The following NOD1 variants were observed in gnomAD, a reference collection of about 807,000 sequenced individuals.
The protein encoded by NOD1 is nucleotide-binding oligomerization domain-containing protein 1.
NOD1 carries 70 observed loss-of-function variants against 81.2 expected under a neutral mutation model. The ratio of observed to expected loss-of-function variants is 0.86; its 90% CI spans 0.71 to 1.05. The LOEUF (loss-of-function observed/expected upper bound fraction) is 1.05, where lower values mean the gene tolerates loss of function less well. NOD1 is among the 50% of genes least tolerant of loss of function. The pLI, the probability that NOD1 is intolerant of heterozygous loss-of-function variation, is 0.00. For synonymous variants in NOD1, 508 were observed against 526.9 expected (o/e 0.96, Z 0.49); for missense variants, 1,233 against 1,228.0 (o/e 1.00, Z -0.06).
intron 8 of NOD1, chr7:30,446,465 G>A (rs1785096311): frequency 1.9e-6 from 1 of 536,338 alleles, no homozygotes; most frequent in East Asian, 3.2e-5. Context: ...TCAGGGACCT[G>A]AGCCCTCCCT....
rs1368800509 is a variant in NOD1, at chr7:30,453,050, G to A, written c.377-10C>T. ...TGGGTATACCTGCTCACTGGAGGGAGGGGGTGGCAGGGCACAGCAGCAGGG... is the reference window on the plus strand; with the variant it reads ...TGGGTATACCTGCTCACTGGAGGGAAGGGGTGGCAGGGCACAGCAGCAGGG... On this transcript the variant is annotated splice_polypyrimidine_tract_variant and intron_variant, in intron 5 of 13. Transcript: ENST00000222823. 7 of 1,590,922 alleles carry A rather than the reference G, an allele frequency of 4.4e-6. No homozygotes were observed. Among genetic ancestry groups the A allele is most frequent in the Middle Eastern group, 1.7e-4 (1 of 5,724 alleles).
chr7:30,428,106 C>A (rs530004711), intron 13 of NOD1, among the ~76,000 whole-genome samples: 1 of 152,232 alleles, frequency 6.6e-6, no homozygotes, highest in Admixed American at 6.5e-5. Flanking sequence ...GAGACAGGGT[C>A]TCTGGCACCC....
At chr7:30,433,326 G>A (rs1269418523) in intron 11 of NOD1, 147 bp from the exon 12 acceptor site, 2 of 626,242 alleles carry the variant, frequency 3.2e-6, no homozygotes, top group Non-Finnish European at 2.8e-6. Context: ...CAGGCTCCAA[G>A]CCCAGCCTGT....
chr7:30,447,033 A>G lies in NOD1; in HGVS notation c.2303T>C (p.Ile768Thr). ...VTYLGLYNNQ[I>T]TDVGARYVTK... The stretch of plus-strand genomic sequence containing the variant: ...GACGTACCTGGCTCCGACATCGGTG[A>G]TCTGGTTGTTGTATAAACTTCAAGA... Residue 768 changes from isoleucine (I) to threonine (T), a missense_variant, in exon 8 of 14, where the codon ATC (isoleucine) becomes ACC (threonine). Physicochemically the swap from Ile to Thr is moderately conservative, Grantham distance 89. Transcript: ENST00000222823. 1 of 1,614,112 alleles carries G rather than the reference A, an allele frequency of 6.2e-7. No individual in the cohort carries two copies. Among genetic ancestry groups the G allele is most frequent in the Non-Finnish European group, 8.5e-7 (1 of 1,179,964 alleles).
In NOD1 at chr7:30,456,977, T is replaced by C; in HGVS notation, c.-56A>G. 1 of 1,472,456 alleles carries C rather than the reference T, an allele frequency of 6.8e-7. No individual in the cohort carries two copies. Among genetic ancestry groups the C allele is most frequent in the Admixed American group, 1.7e-5 (1 of 59,636 alleles). 91.2% of individuals were successfully genotyped at this position (1,472,456 alleles called of 1,614,324 possible). A position where few individuals can be genotyped will look rare whatever the true frequency, so the allele number is the denominator to read the frequency against. On this transcript the variant is annotated 5_prime_UTR_variant, in exon 4 of 14. Transcript: ENST00000222823. Reference sequence around the variant, plus strand: ...AATTCATCTTCAGCTGCGTGTGTCCTCTCAGCAGAAGGGCAATCAGGATTC... The same window carrying C: ...AATTCATCTTCAGCTGCGTGTGTCCCCTCAGCAGAAGGGCAATCAGGATTC...
chr7:30,452,538 C>G lies in NOD1; in HGVS notation c.879G>C (p.Leu293Phe). The G allele has an allele frequency of 6.2e-7, 1 of 1,613,158 alleles. No homozygotes were observed. The highest frequency in any genetic ancestry group is 8.5e-7 in the Non-Finnish European group (1 of 1,179,982). Residue 293 changes from leucine (L) to phenylalanine (F), a missense_variant, in exon 6 of 14, where the codon TTG becomes TTC. Leu to Phe is a conservative substitution (Grantham distance 22). Transcript: ENST00000222823. ...AGCTGTCAGGCACGCGGCTCAGGTCCAAGTCCGAGTGCAGCTCGTCCAGGC... is the reference window on the plus strand; with the variant it reads ...AGCTGTCAGGCACGCGGCTCAGGTCGAAGTCCGAGTGCAGCTCGTCCAGGC... ...FDGLDELHSD[L>F]DLSRVPDSSC...
chr7:30,438,308 G>A (rs1784563322), intron 9 of NOD1, among the ~76,000 whole-genome samples: 1 of 152,208 alleles, frequency 6.6e-6, no homozygotes, highest in East Asian at 1.9e-4. Context: ...TAAGATGGTG[G>A]ACTCCTGACC....
rs1055421718 is a variant in NOD1 at position 30,458,512 on chromosome 7, G to C, written c.-122+640C>G. Among the ~76,000 whole-genome samples the C allele has an allele frequency of 2.6e-5, 4 of 152,132 alleles. No homozygotes were observed. In the East Asian group the frequency reaches 7.7e-4, roughly 29 times the overall value. On this transcript the variant is annotated intron_variant, in intron 3 of 13. Transcript: ENST00000222823. ...ATTTTTTTTCCACCAAGTGGCACAT[G>C]AGTCTCCTGCTCTTTGACATGCTTC...
Position 30,451,698 on chromosome 7 carries a change from C to G in NOD1, c.1719G>C (p.Pro573=). ...TGTTCTTGAAGAGGTCTTCCCGCGC[C>G]GGACCACTGCCCTGCAGGCACTGGA... ...LPFQCLQGSG[P]AREDLFKNKD... The change falls in exon 6 of 14, where the codon CCG becomes CCC. Residue 573 remains proline (P), a synonymous_variant. Coordinates refer to ENST00000222823, the MANE Select transcript of NOD1 (RefSeq NM_006092.4). The surrounding 1 kb of genome is among the most constrained non-coding windows in gnomAD (Gnocchi z 4.2). 6.2e-7 allele frequency: 1 copy of G among 1,613,872 alleles called. No homozygotes were observed. The highest frequency in any genetic ancestry group is 8.5e-7 in the Non-Finnish European group (1 of 1,180,030).
intron 11 of NOD1, among the ~76,000 whole-genome samples, chr7:30,433,812 A>T (rs566487277): frequency 8.1e-5 from 12 of 147,660 alleles, no homozygotes; most frequent in South Asian, 4.3e-4. Context: ...AAGAACATTT[A>T]AAAAAAAAAA....
intron 1 of NOD1, among the ~76,000 whole-genome samples, chr7:30,472,895 C>T (rs1788413110): frequency 1.3e-5 from 2 of 152,192 alleles, no homozygotes; most frequent in African/African-American, 2.4e-5. Context: ...CTCCAAATTC[C>T]ATATGGCCAG....
At position 30,452,423 on chromosome 7, in the gene NOD1, C is replaced by T; in HGVS notation, c.994G>A (p.Ala332Thr). The part of the protein sequence containing the change: ...LLKGASKLLT[A>T]RTGIEVPRQF... The stretch of plus-strand genomic sequence containing the variant: ...CGCGGGACCTCGATGCCTGTGCGGG[C>T]TGTGAGCAGCTTGCTAGCCCCCTTG... Residue 332 changes from alanine to threonine, a missense_variant, in exon 6 of 14, where the codon GCC (alanine) becomes ACC (threonine). Ala to Thr is a moderately conservative substitution (Grantham distance 58, BLOSUM62 0). Transcript: ENST00000222823. 1 of 1,613,358 alleles carries T rather than the reference C, an allele frequency of 6.2e-7. No individual in the cohort carries two copies. Among genetic ancestry groups the T allele is most frequent in the Non-Finnish European group, 8.5e-7 (1 of 1,180,006 alleles).
chr7:30,427,542 G>C (rs1040808946), intron 13 of NOD1, among the ~76,000 whole-genome samples: 8 of 152,168 alleles, frequency 5.3e-5, no homozygotes, highest in South Asian at 2.1e-4. Context: ...GTCACACACA[G>C]AGGAGCATGC....
At chr7:30,437,432 A>G in intron 10 of NOD1, 141 bp downstream of exon 10, 2 of 502,158 alleles carry the variant, frequency 4.0e-6, no homozygotes, top group Non-Finnish European at 6.8e-6. Flanking sequence ...CTTATGCATC[A>G]AAGAAAGGTT....
chr7:30,471,899 A>C (rs1391420153), intron 1 of NOD1, among the ~76,000 whole-genome samples: 1 of 152,230 alleles, frequency 6.6e-6, no homozygotes, highest in African/African-American at 2.4e-5. Context: ...CTGTCCCAGA[A>C]AACTACAGAG....
chr7:30,452,369 G>A lies in NOD1; in HGVS notation c.1048C>T (p.Arg350Trp), dbSNP rs1371565397. The change falls in exon 6 of 14, where the codon CGG (arginine) becomes TGG (tryptophan). Residue 350 changes from arginine to tryptophan, a missense_variant. Arg to Trp is a moderately radical substitution (Grantham distance 101). Coordinates refer to ENST00000222823, the MANE Select transcript of NOD1 (RefSeq NM_006092.4). The stretch of plus-strand genomic sequence containing the variant: ...CGCAGGTGGCTGGGGGAGAAGCCCC[G>A]GAGAAGCACCTTCTTCCGCAGGAAC... ...RQFLRKKVLL[R>W]GFSPSHLRAY... The A allele has an allele frequency of 6.8e-6, 11 of 1,613,306 alleles. No individual in the cohort carries two copies. The highest frequency in any genetic ancestry group is 1.3e-5 in the African/African-American group (1 of 75,046).
Position 30,456,636 on chromosome 7 carries a change from G to A in NOD1, c.201+85C>T, listed in dbSNP as rs954095271. On this transcript the variant is annotated intron_variant, in intron 4 of 13. Coordinates refer to ENST00000222823, the MANE Select transcript of NOD1 (RefSeq NM_006092.4). ...CCTGCCCGCTGGACTAAACTCCCAC[G>A]CTCTTCACTCAGATCAGCAGGGAGA... is the stretch of plus-strand genomic sequence containing the variant. The A allele has an allele frequency of 2.7e-5, 33 of 1,226,464 alleles. 1 individual carries two copies. The highest frequency in any genetic ancestry group is 4.7e-5 in the East Asian group (2 of 42,572). The allele number at this position is 1,226,464 out of a possible 1,614,324, so 76.0% of individuals were successfully genotyped here. A position where few individuals can be genotyped will look rare whatever the true frequency, so the allele number is the denominator to read the frequency against.
Position 30,425,474 on chromosome 7 carries a change from C to T in NOD1, c.*164G>A, listed in dbSNP as rs1783364440. On this transcript the variant is annotated 3_prime_UTR_variant, in exon 14 of 14. Coordinates refer to ENST00000222823, the MANE Select transcript of NOD1 (RefSeq NM_006092.4). ...AGCGGGTACTTAGGGAGTTTGCCGA[C>T]CAGACCTTCTGCACAGGAAGCTGGC... 1.6e-6 allele frequency: 1 copy of T among 635,120 alleles called. No homozygotes were observed. Among genetic ancestry groups the T allele is most frequent in the Non-Finnish European group, 2.8e-6 (1 of 351,060 alleles). 39.3% of individuals were successfully genotyped at this position (635,120 alleles called of 1,614,324 possible). A position where few individuals can be genotyped will look rare whatever the true frequency, so the allele number is the denominator to read the frequency against.
At chr7:30,426,327 G>A (rs765733068) in intron 13 of NOD1, among the ~76,000 whole-genome samples, 7 of 152,016 alleles carry the variant, frequency 4.6e-5, no homozygotes, top group Middle Eastern at 3.4e-3. Flanking sequence ...TCATCCTGCT[G>A]AGCAGGTTAG....
Sources: gnomAD v4.1 joint callset for allele counts (sites outside exome capture counted in the v4.1 genomes callset) on GRCh38, gnomAD v4.1.1 for gene constraint, Gnocchi (gnomAD v3.1) non-coding constraint, MANE v1.5 for transcripts, NCBI Gene and HGNC (gene_info 2026-07-23, HGNC 2026-07-21) for gene names.